The following ZBTB16 variants were observed in gnomAD, a reference collection of about 807,000 sequenced individuals.
ZBTB16 encodes the protein zinc finger and BTB domain-containing protein 16.
ZBTB16 carries 8 observed loss-of-function variants against 56.8 expected under a neutral mutation model. The observed-to-expected ratio is 0.14, with a 90% CI of 0.08 to 0.25. ZBTB16 has a LOEUF of 0.25. ZBTB16 is among the 10% of genes least tolerant of loss of function. The pLI, the probability that ZBTB16 is intolerant of heterozygous loss-of-function variation, is 1.00. For missense variants in ZBTB16, 625 were observed against 903.0 expected, an observed-to-expected ratio of 0.69 and a Z score of 3.95; for synonymous variants, 363 against 368.5, an observed-to-expected ratio of 0.98 and a Z score of 0.17.
intron 4 of ZBTB16, chr11:114,209,694 G>A: frequency 1.0e-6 from 1 of 985,446 alleles, no homozygotes; most frequent in Non-Finnish European, 1.2e-6. Context: ...AGAGCAGGAG[G>A]CAAGGATAGA....
At chr11:114,070,027 T>TTG (rs1939269623) in intron 2 of ZBTB16, among the ~76,000 whole-genome samples, 1 of 152,116 alleles carries the variant, frequency 6.6e-6, no homozygotes, top group African/African-American at 2.4e-5. Context: ...ATTAATGTGT[T>TTG]TGATTACAGA....
chr11:114,124,251 A>G (rs1028300278), intron 2 of ZBTB16, among the ~76,000 whole-genome samples: 3 of 151,790 alleles, frequency 2.0e-5, no homozygotes, highest in Non-Finnish European at 2.9e-5. Flanking sequence ...TTAATACATC[A>G]CTGTCACCTG....
At chr11:114,105,921 T>C (rs1940772934) in intron 2 of ZBTB16, among the ~76,000 whole-genome samples, 1 of 152,272 alleles carries the variant, frequency 6.6e-6, no homozygotes, top group South Asian at 2.1e-4. Flanking sequence ...CATTTAGCTT[T>C]TAATTGCTTT....
Position 114,214,887 on chromosome 11 carries a change from A to C in ZBTB16, c.1454-27280A>C, listed in dbSNP as rs1488175513. On this transcript the variant is annotated intron_variant, in intron 4 of 6. Transcript: ENST00000335953. The stretch of plus-strand genomic sequence containing the variant: ...ATTTTTTTTCCTAAAGCAGAGAAGA[A>C]GGCACAAGTGAAGGAGAAAAGGCAG... Among the ~76,000 whole-genome samples, 4 of 152,230 alleles carry C rather than the reference A, an allele frequency of 2.6e-5. No individual in the cohort carries two copies. The East Asian group carries it at 7.7e-4, about 29-fold the overall frequency.
chr11:114,148,398 TCCC>T (rs1942177311), intron 2 of ZBTB16, among the ~76,000 whole-genome samples: 5 of 23,860 alleles, frequency 2.1e-4, no homozygotes, highest in African/African-American at 1.3e-3. Flanking sequence ...CCTCCTTCCC[TCCC>T]TCCCTCCCTC....
rs891789662 is a variant in ZBTB16 at position 114,247,055 on chromosome 11, G to A, written c.1625-143G>A. 9 of 953,196 alleles carry A rather than the reference G, an allele frequency of 9.4e-6. No homozygotes were observed. In the African/African-American group the frequency reaches 1.1e-4, roughly 12 times the overall value. The allele number at this position is 953,196 out of a possible 1,614,324, so 59.0% of individuals were successfully genotyped here. A position where few individuals can be genotyped will look rare whatever the true frequency, so the allele number is the denominator to read the frequency against. On this transcript the variant is annotated intron_variant, in intron 5 of 6. Coordinates refer to ENST00000335953, the MANE Select transcript of ZBTB16 (RefSeq NM_006006.6). ...GGTATTGCTTGTTTATTCAATGGAG[G>A]TGTGGCCGTGGATCCTTAAGTTGTC...
chr11:114,176,676 T>C (rs531102899), intron 3 of ZBTB16, among the ~76,000 whole-genome samples: 2 of 152,318 alleles, frequency 1.3e-5, no homozygotes, highest in Middle Eastern at 3.4e-3. Context: ...GCCCAGCTTC[T>C]CATGAACACC....
chr11:114,211,072 C>T (rs903702657), intron 4 of ZBTB16: 1 of 163,170 alleles, frequency 6.1e-6, no homozygotes, highest in Non-Finnish European at 1.3e-5. Flanking sequence ...AGGTGTGCAC[C>T]ACCACCCCTA....
intron 4 of ZBTB16, among the ~76,000 whole-genome samples, chr11:114,193,789 T>C (rs577130172): frequency 3.3e-5 from 5 of 152,250 alleles, no homozygotes; most frequent in African/African-American, 1.2e-4. Context: ...AGAGAAGGAA[T>C]GGAGACCCTG....
chr11:114,240,396 C>T (rs139478932), intron 4 of ZBTB16, among the ~76,000 whole-genome samples: 103 of 152,242 alleles, frequency 6.8e-4, no homozygotes, highest in Admixed American at 2.0e-3. Flanking sequence ...TTCCACCAGA[C>T]ACTTCCCGAT....
At chr11:114,082,330 C>T (rs993331807) in intron 2 of ZBTB16, among the ~76,000 whole-genome samples, 3 of 152,114 alleles carry the variant, frequency 2.0e-5, no homozygotes, top group African/African-American at 7.2e-5. Context: ...TGAACTGTAG[C>T]TTCTTCATTC....
chr11:114,250,967 T>C lies in ZBTB16; in HGVS notation c.*412T>C, dbSNP rs2135220297. Among the ~76,000 whole-genome samples the C allele has an allele frequency of 6.6e-6, 1 of 151,598 alleles. No individual in the cohort carries two copies. Among genetic ancestry groups the C allele is most frequent in the African/African-American group, 2.4e-5 (1 of 41,284 alleles). On this transcript the variant is annotated 3_prime_UTR_variant, in exon 7 of 7. Transcript: ENST00000335953. This position sits in a 1 kb window ranked among gnomAD's most constrained non-coding sequence, Gnocchi z 6.0. The stretch of plus-strand genomic sequence containing the variant: ...TTCCTCCACCAAGACCCCCAGGAGA[T>C]GAAGGGAGGGAGGAGGTGAGCCAGA...
At chr11:114,111,264 A>G (rs1940996685) in intron 2 of ZBTB16, among the ~76,000 whole-genome samples, 1 of 152,094 alleles carries the variant, frequency 6.6e-6, no homozygotes, top group South Asian at 2.1e-4. Flanking sequence ...ACCTAATTAC[A>G]CTGTAGTTTC....
chr11:114,242,082 C>T (rs1359433683), intron 4 of ZBTB16, 85 bp from the exon 5 acceptor site: 33 of 1,565,664 alleles, frequency 2.1e-5, no homozygotes, highest in South Asian at 1.5e-4. Flanking sequence ...GTGTGAGTCC[C>T]GACACTGGCT....
At chr11:114,223,621 G>A (rs1477647018) in intron 4 of ZBTB16, among the ~76,000 whole-genome samples, 1 of 152,112 alleles carries the variant, frequency 6.6e-6, no homozygotes, top group East Asian at 1.9e-4. Context: ...TTAGGCTCTG[G>A]GAATACAGTG....
intron 4 of ZBTB16, among the ~76,000 whole-genome samples, chr11:114,232,992 G>A (rs1468780368): frequency 6.6e-6 from 1 of 151,406 alleles, no homozygotes; most frequent in Non-Finnish European, 1.5e-5. Flanking sequence ...CAGACCAGAG[G>A]GCTGCATACC....
chr11:114,197,056 G>T lies in ZBTB16; in HGVS notation c.1453+10018G>T, dbSNP rs1020059884. On this transcript the variant is annotated intron_variant, in intron 4 of 6. Transcript: ENST00000335953. ...GGATCAAAGCCCCTATTTGAAAAAG[G>T]GGGTCAGTTAAGAACACACAATCCA... Among the ~76,000 whole-genome samples, 20 of 151,574 alleles carry T rather than the reference G, an allele frequency of 1.3e-4. No individual in the cohort carries two copies. In the East Asian group the frequency reaches 3.5e-3, roughly 26 times the overall value.
chr11:114,137,199 C>A (rs1439759229), intron 2 of ZBTB16, among the ~76,000 whole-genome samples: 2 of 152,100 alleles, frequency 1.3e-5, no homozygotes, highest in Admixed American at 1.3e-4. Flanking sequence ...TTCAGGAGAC[C>A]GACCCTTTTC....
chr11:114,126,574 G>A (rs1941514214), intron 2 of ZBTB16, among the ~76,000 whole-genome samples: 1 of 152,152 alleles, frequency 6.6e-6, no homozygotes, highest in South Asian at 2.1e-4. Context: ...GTTGAGAGTG[G>A]CCCTGGCATT....
Sources: gnomAD v4.1 joint callset for allele counts (sites outside exome capture counted in the v4.1 genomes callset) on GRCh38, gnomAD v4.1.1 for gene constraint, Gnocchi (gnomAD v3.1) non-coding constraint, MANE v1.5 for transcripts, NCBI Gene and HGNC (gene_info 2026-07-23, HGNC 2026-07-21) for gene names.